SCARA5: variants seen among roughly 807,000 people sequenced by gnomAD.
SCARA5 encodes scavenger receptor class A, member 5 (putative).
SCARA5 carries 45 observed loss-of-function variants against 46.3 expected under a neutral mutation model. That is an observed-to-expected ratio of 0.97 (90% confidence interval 0.76 to 1.24). The LOEUF (loss-of-function observed/expected upper bound fraction) is 1.24. Among genes scored for constraint, SCARA5 ranks in the 50% most tolerant of loss-of-function variants. The pLI, the probability that SCARA5 is intolerant of heterozygous loss-of-function variation, is 0.00. For missense variants in SCARA5, 680 were observed against 689.0 expected (o/e 0.99, Z 0.15); for synonymous variants, 333 against 306.5 (o/e 1.09, Z -0.90).
intron 3 of SCARA5, among the ~76,000 whole-genome samples, chr8:27,960,024 T>G (rs569532960): frequency 1.2e-3 from 190 of 152,216 alleles, no homozygotes; most frequent in Non-Finnish European, 2.2e-3. Context: ...TGGAAACATG[T>G]GCATATGGAC....
chr8:27,879,504 A>G (rs1342271493), intron 8 of SCARA5, 65 bp downstream of exon 8: 4 of 1,481,898 alleles, frequency 2.7e-6, no homozygotes, highest in Non-Finnish European at 3.7e-6. Flanking sequence ...CGGGCTTTGG[A>G]GGTGAGCCCA....
At chr8:27,952,962 G>C (rs936037354) in intron 3 of SCARA5, among the ~76,000 whole-genome samples, 1 of 152,206 alleles carries the variant, frequency 6.6e-6, no homozygotes, top group Non-Finnish European at 1.5e-5. Flanking sequence ...GAGTGAACAG[G>C]GTATTGCTTA....
intron 7 of SCARA5, among the ~76,000 whole-genome samples, chr8:27,892,284 C>T (rs1806996645): frequency 6.6e-6 from 1 of 152,230 alleles, no homozygotes; most frequent in African/African-American, 2.4e-5. Flanking sequence ...ATCCACAAGG[C>T]CCACCTGAAC....
At chr8:27,915,622 C>G (rs181537812) in intron 4 of SCARA5, among the ~76,000 whole-genome samples, 1 of 152,228 alleles carries the variant, frequency 6.6e-6, no homozygotes, top group African/African-American at 2.4e-5. Context: ...GAACTGGACT[C>G]TCTAATAGAT....
At chr8:27,873,565 A>G (rs1445298002) in intron 8 of SCARA5, among the ~76,000 whole-genome samples, 1 of 151,298 alleles carries the variant, frequency 6.6e-6, no homozygotes, top group Non-Finnish European at 1.5e-5. Flanking sequence ...CCCACCAGAG[A>G]ACAACCCCCT....
At chr8:27,872,111 G>C in intron 8 of SCARA5, 41 bp from the exon 9 acceptor site, 1 of 1,609,850 alleles carries the variant, frequency 6.2e-7, no homozygotes, top group Non-Finnish European at 8.5e-7. Context: ...GGATACACAG[G>C]AGGGCGAGAA....
intron 3 of SCARA5, among the ~76,000 whole-genome samples, chr8:27,934,062 T>C (rs1231626521): frequency 2.0e-5 from 3 of 152,108 alleles, no homozygotes; most frequent in Non-Finnish European, 1.5e-5. Context: ...TAAACAGCAA[T>C]AAAATGAACT....
At chr8:27,982,879 G>A (rs565759351) in intron 2 of SCARA5, among the ~76,000 whole-genome samples, 5 of 152,202 alleles carry the variant, frequency 3.3e-5, no homozygotes, top group Admixed American at 6.5e-5. Flanking sequence ...ATAAAGGCAG[G>A]GAGGGTGAAG....
intron 4 of SCARA5, among the ~76,000 whole-genome samples, chr8:27,914,359 C>A (rs183584019): frequency 1.3e-5 from 2 of 152,336 alleles, no homozygotes; most frequent in East Asian, 3.9e-4. Flanking sequence ...GTACCATGGG[C>A]AGAGCCCCCA....
intron 7 of SCARA5, among the ~76,000 whole-genome samples, chr8:27,903,076 G>C (rs926073162): frequency 1.3e-5 from 2 of 152,168 alleles, no homozygotes; most frequent in African/African-American, 4.8e-5. Context: ...CAGAGAGAAA[G>C]CAGGGGCAAG....
intron 3 of SCARA5, among the ~76,000 whole-genome samples, chr8:27,940,862 A>G (rs1336162268): frequency 6.6e-6 from 1 of 152,088 alleles, no homozygotes; most frequent in East Asian, 1.9e-4. Flanking sequence ...GGTTTTCCCA[A>G]TTAAAAACAC....
chr8:27,875,799 A>G (rs1806714533), intron 8 of SCARA5, among the ~76,000 whole-genome samples: 1 of 152,226 alleles, frequency 6.6e-6, no homozygotes, highest in Non-Finnish European at 1.5e-5. Flanking sequence ...GTTTGAGACC[A>G]GCCTGGGCAA....
chr8:27,944,764 G>C lies in SCARA5; in HGVS notation c.241+21650C>G, dbSNP rs528821988. Among the ~76,000 whole-genome samples, 100 of 152,202 alleles carry C rather than the reference G, an allele frequency of 6.6e-4. 1 individual carries two copies. Among genetic ancestry groups the C allele is most frequent in the African/African-American group, 2.3e-3 (95 of 41,524 alleles). ...AGTTGCCTGCAATCCCAGATACTTG[G>C]GAGGCTGAGGTGGGAGAATCATTTG... is the stretch of plus-strand genomic sequence containing the variant. On this transcript the variant is annotated intron_variant, in intron 3 of 8. Transcript: ENST00000354914.
intron 7 of SCARA5, among the ~76,000 whole-genome samples, chr8:27,895,067 G>T (rs1287646159): frequency 6.6e-6 from 1 of 152,148 alleles, no homozygotes; most frequent in Non-Finnish European, 1.5e-5. Flanking sequence ...CTGGAAGATT[G>T]CAGCTCCTTT....
At chr8:27,916,534 T>C (rs1230042051) in intron 4 of SCARA5, among the ~76,000 whole-genome samples, 1 of 152,046 alleles carries the variant, frequency 6.6e-6, no homozygotes, top group African/African-American at 2.4e-5. Flanking sequence ...AAAACCTTAA[T>C]AGAGGAACTA....
chr8:27,966,887 G>C (rs1808377780), intron 2 of SCARA5, among the ~76,000 whole-genome samples: 1 of 152,194 alleles, frequency 6.6e-6, no homozygotes, highest in African/African-American at 2.4e-5. Flanking sequence ...TTGTCCCATG[G>C]GATCCAGGGA....
chr8:27,947,013 G>A (rs990800836), intron 3 of SCARA5, among the ~76,000 whole-genome samples: 11 of 149,150 alleles, frequency 7.4e-5, no homozygotes, highest in Admixed American at 3.3e-4. Context: ...ATCCTGTTGG[G>A]CTTTTTTTTT....
chr8:27,903,220 T>G (rs1807189327), intron 7 of SCARA5: 5 of 152,216 alleles, frequency 3.3e-5, no homozygotes, highest in Admixed American at 3.3e-4. Flanking sequence ...TGATCTCATC[T>G]GAAGGACCTA....
At chr8:27,977,520 T>A (rs1253594780) in intron 2 of SCARA5, among the ~76,000 whole-genome samples, 1 of 152,228 alleles carries the variant, frequency 6.6e-6, no homozygotes, top group Non-Finnish European at 1.5e-5. Flanking sequence ...GCTTCCTGCC[T>A]GCCTAACCTT....
Sources: allele counts gnomAD v4.1 joint callset (sites outside exome capture counted in the v4.1 genomes callset), GRCh38; gene constraint gnomAD v4.1.1; transcripts MANE v1.5; gene names NCBI Gene and HGNC (gene_info 2026-07-23, HGNC 2026-07-21).